SLC6A17: variants seen among roughly 807,000 people sequenced by gnomAD.
SLC6A17 encodes the protein sodium-dependent neutral amino acid transporter SLC6A17.
In SLC6A17, 21 loss-of-function variants were observed where a neutral mutation model predicts 64.5. The ratio of observed to expected loss-of-function variants is 0.33; its 90% confidence interval spans 0.23 to 0.47. The LOEUF (loss-of-function observed/expected upper bound fraction) is 0.47, where lower values mean the gene tolerates loss of function less well. Ranked by LOEUF, SLC6A17 falls within the 20% of genes least tolerant of loss-of-function variation. The pLI is 1.00. For missense variants in SLC6A17, 682 were observed against 963.2 expected (o/e 0.71, Z 3.86); for synonymous variants, 372 against 399.5 (o/e 0.93, Z 0.82).
chr1:110,163,387 GGGACTTACATATTTTT>G (rs1557830611), intron 1 of SLC6A17, among the ~76,000 whole-genome samples: 3 of 152,110 alleles, frequency 2.0e-5, no homozygotes, highest in African/African-American at 7.2e-5. Context: ...TATCAATATG[GGGACTTACATATTTTT>G]TAAATGCATA....
In SLC6A17 at chr1:110,197,606, G is replaced by T; in HGVS notation, c.1815+7G>T. On this transcript the variant is annotated splice_region_variant and intron_variant, in intron 11 of 11. Transcript: ENST00000331565. ...CGCCTGGATCAAGGAGGAGGTGAGG[G>T]GTGGGGCCCCAAACCCCAGGGACAT... 3 of 1,586,182 alleles carry T rather than the reference G, an allele frequency of 1.9e-6. No individual in the cohort carries two copies. The highest frequency in any genetic ancestry group is 2.2e-5 in the East Asian group (1 of 44,522).
At chr1:110,173,894 T>TA in intron 3 of SLC6A17, 79 bp from the exon 4 acceptor site, 12 of 1,508,838 alleles carry the variant, frequency 8.0e-6, no homozygotes, top group South Asian at 7.0e-5. Flanking sequence ...GCTGCCGACG[T>TA]GCTGGGCCTC....
At chr1:110,195,520 C>T (rs576012135) in intron 9 of SLC6A17, 66 bp from the exon 10 acceptor site, 28 of 1,580,552 alleles carry the variant, frequency 1.8e-5, no homozygotes, top group Non-Finnish European at 2.2e-5. Flanking sequence ...TGGGTGCCCC[C>T]GAGACCCCCA....
chr1:110,190,982 A>AC lies in SLC6A17; in HGVS notation c.865-985dup, dbSNP rs1463539209. Among the ~76,000 whole-genome samples the AC allele has an allele frequency of 2.0e-5, 3 of 152,164 alleles. No homozygotes were observed. The East Asian group carries it at 5.8e-4, about 29-fold the overall frequency. ...ATGAATAGTAATCCTTGCTTCCTGC[A>AC]CCCCCGCAAAACACAAAACACCCTG... On this transcript the variant is annotated intron_variant, in intron 6 of 11. Transcript: ENST00000331565.
chr1:110,152,853 A>G (rs186347057), intron 1 of SLC6A17, among the ~76,000 whole-genome samples: 1 of 152,236 alleles, frequency 6.6e-6, no homozygotes, highest in Non-Finnish European at 1.5e-5. Flanking sequence ...CCCTTCCCTT[A>G]TGGGCCTTAA....
At chr1:110,178,233 G>T (rs541298622) in intron 6 of SLC6A17, among the ~76,000 whole-genome samples, 3 of 152,080 alleles carry the variant, frequency 2.0e-5, no homozygotes, top group Non-Finnish European at 1.5e-5. Flanking sequence ...ATATGCTCTG[G>T]TGTTGTTCCT....
At chr1:110,190,272 G>T (rs1358820187) in intron 6 of SLC6A17, among the ~76,000 whole-genome samples, 1 of 152,168 alleles carries the variant, frequency 6.6e-6, no homozygotes, top group African/African-American at 2.4e-5. Flanking sequence ...CTTATTTTGT[G>T]CTGGATGGGG....
intron 1 of SLC6A17, among the ~76,000 whole-genome samples, chr1:110,163,916 C>A (rs1308643865): frequency 1.3e-5 from 2 of 152,148 alleles, no homozygotes; most frequent in Non-Finnish European, 2.9e-5. Flanking sequence ...GCCCCCCAAC[C>A]CCCGCATCCA....
intron 1 of SLC6A17, among the ~76,000 whole-genome samples, chr1:110,165,874 T>C (rs1256294820): frequency 5.9e-5 from 9 of 152,372 alleles, no homozygotes; most frequent in South Asian, 2.1e-4. Flanking sequence ...GTGTGTTTAA[T>C]TTTAAATCCT....
At chr1:110,171,442 C>T (rs994827224) in intron 2 of SLC6A17, among the ~76,000 whole-genome samples, 1 of 152,188 alleles carries the variant, frequency 6.6e-6, no homozygotes, top group Non-Finnish European at 1.5e-5. Context: ...CTTTATGATC[C>T]TCCTGGCTAT....
chr1:110,173,032 C>T (rs962158643), intron 3 of SLC6A17, among the ~76,000 whole-genome samples: 1 of 152,214 alleles, frequency 6.6e-6, no homozygotes, highest in African/African-American at 2.4e-5. Context: ...ATTGCAGCCC[C>T]CTGCTCTCAC....
In SLC6A17 at chr1:110,174,046, A is replaced by G. The variant is rs762310437; in HGVS notation, c.518A>G (p.Gln173Arg). The G allele has an allele frequency of 2.6e-5, 42 of 1,614,082 alleles. No individual in the cohort carries two copies. The Admixed American group carries it at 5.2e-4, about 20-fold the overall frequency. ...ATCTTCTATTTCTTCAAGTCCTTCC[A>G]GTACCCGCTGCCCTGGAGTGAATGT... ...WSIFYFFKSFQYPLPWSECPV... is the reference protein window; with the variant it reads ...WSIFYFFKSFRYPLPWSECPV... Residue 173 changes from glutamine (Q) to arginine (R), a missense_variant, in exon 4 of 12, where the codon CAG (glutamine) becomes CGG (arginine). This residue lies in a region of SLC6A17 where 415 missense variants were observed against 603.8 expected (regional missense o/e 0.69). Coordinates refer to ENST00000331565, the MANE Select transcript of SLC6A17 (RefSeq NM_001010898.4).
chr1:110,170,518 G>A (rs920144463), intron 2 of SLC6A17, among the ~76,000 whole-genome samples: 4 of 152,138 alleles, frequency 2.6e-5, no homozygotes, highest in South Asian at 2.1e-4. Flanking sequence ...GGCTGTCTCC[G>A]TTTGCCTTCC....
At chr1:110,195,261 A>C (rs1275380148) in intron 9 of SLC6A17, among the ~76,000 whole-genome samples, 2 of 152,234 alleles carry the variant, frequency 1.3e-5, no homozygotes, top group Non-Finnish European at 2.9e-5. Context: ...AGGTGGAGAA[A>C]AAGACTGGTA....
Position 110,192,689 on chromosome 1 carries a change from G to A in SLC6A17, c.1290G>A (p.Glu430=), listed in dbSNP as rs765336922. ...TTGACCCCTGCCTTCTGGAGGACGA[G>A]CTGGACAAGGTGCGGGGACAGGCTG... The part of the protein sequence containing the change: ...LGLDPCLLED[E]LDKSVQGTGL... Residue 430 remains glutamate, a synonymous_variant, in exon 8 of 12, where the codon GAG becomes GAA. Transcript: ENST00000331565. This position sits in a 1 kb window ranked among gnomAD's most constrained non-coding sequence, Gnocchi z 4.3. The A allele has an allele frequency of 3.1e-6, 5 of 1,613,370 alleles. No individual in the cohort carries two copies. Among genetic ancestry groups the A allele is most frequent in the Non-Finnish European group, 3.4e-6 (4 of 1,179,642 alleles).
At chr1:110,173,913 C>G in intron 3 of SLC6A17, 60 bp from the exon 4 acceptor site, 1 of 1,584,876 alleles carries the variant, frequency 6.3e-7, no homozygotes, top group Non-Finnish European at 8.6e-7. Flanking sequence ...TCGGGTGGAG[C>G]GTGGGGGCAG....
intron 6 of SLC6A17, among the ~76,000 whole-genome samples, chr1:110,189,114 C>T (rs1469460419): frequency 2.6e-5 from 4 of 152,228 alleles, no homozygotes; most frequent in African/African-American, 9.6e-5. Context: ...ACTACAGCCA[C>T]AGCCTCAGCT....
chr1:110,188,975 C>T (rs946205625), intron 6 of SLC6A17, among the ~76,000 whole-genome samples: 1 of 152,212 alleles, frequency 6.6e-6, no homozygotes, highest in Non-Finnish European at 1.5e-5. Context: ...ACCCTTCCTC[C>T]TCCAGGCTCT....
At chr1:110,173,622 C>G (rs1656297310) in intron 3 of SLC6A17, among the ~76,000 whole-genome samples, 1 of 152,192 alleles carries the variant, frequency 6.6e-6, no homozygotes, top group East Asian at 1.9e-4. Flanking sequence ...TGGAGGGCAT[C>G]TCTGTCATTA....
Sources: gnomAD v4.1 joint callset for allele counts (sites outside exome capture counted in the v4.1 genomes callset) on GRCh38, gnomAD v4.1.1 for gene constraint, gnomAD v4.1.1 regional missense constraint, Gnocchi (gnomAD v3.1) non-coding constraint, MANE v1.5 for transcripts, NCBI Gene and HGNC (gene_info 2026-07-23, HGNC 2026-07-21) for gene names.